Variants in GLIS3 observed in about 807,000 individuals in gnomAD.
GLIS3 encodes the protein zinc finger protein GLIS3.
In GLIS3, 53 loss-of-function variants were observed where a neutral mutation model predicts 78.6. The observed-to-expected ratio is 0.67, with a 90% CI of 0.54 to 0.85. The LOEUF (loss-of-function observed/expected upper bound fraction) is 0.85, where lower values mean the gene tolerates loss of function less well. Among genes scored for constraint, GLIS3 ranks in the 40% least tolerant of loss-of-function variants. The pLI is 0.00. For missense variants in GLIS3, 1,703 were observed against 1,231.1 expected (o/e 1.38, Z -5.74); for synonymous variants, 684 against 509.9 (o/e 1.34, Z -4.60).
intron 3 of GLIS3, among the ~76,000 whole-genome samples, chr9:4,121,820 C>T (rs1832213020): frequency 6.6e-6 from 1 of 152,222 alleles, no homozygotes; most frequent in Non-Finnish European, 1.5e-5. Flanking sequence ...CTTAAAGTCA[C>T]ACAAGCTACG....
chr9:3,944,542 C>G (rs183057426), intron 4 of GLIS3, among the ~76,000 whole-genome samples: 2 of 152,206 alleles, frequency 1.3e-5, no homozygotes, highest in East Asian at 3.9e-4. Flanking sequence ...AACTGGTTGC[C>G]TGGAGGTTGT....
intron 4 of GLIS3, among the ~76,000 whole-genome samples, chr9:4,073,969 G>A (rs1827838540): frequency 6.6e-6 from 1 of 152,108 alleles, no homozygotes; most frequent in Admixed American, 6.6e-5. Context: ...GCTGTAGAAG[G>A]CCATCATACG....
At chr9:4,228,502 A>G (rs1308647152) in intron 2 of GLIS3, among the ~76,000 whole-genome samples, 1 of 152,224 alleles carries the variant, frequency 6.6e-6, no homozygotes, top group Admixed American at 6.5e-5. Flanking sequence ...ATATAAAATC[A>G]TATTCATCAT....
intron 2 of GLIS3, among the ~76,000 whole-genome samples, chr9:4,206,392 T>C (rs1819882660): frequency 1.3e-5 from 2 of 152,222 alleles, no homozygotes. Context: ...CTGCCTAACA[T>C]CTAACCTTGA....
chr9:4,017,065 T>A (rs796993946), intron 4 of GLIS3, among the ~76,000 whole-genome samples: 1 of 152,178 alleles, frequency 6.6e-6, no homozygotes, highest in Non-Finnish European at 1.5e-5. Context: ...GAAGGGCAGT[T>A]TGGCCTTTAT....
chr9:3,859,528 A>G (rs1210461288), intron 8 of GLIS3, among the ~76,000 whole-genome samples: 1 of 152,194 alleles, frequency 6.6e-6, no homozygotes, highest in African/African-American at 2.4e-5. Context: ...CCGAGGATAA[A>G]TTATAGTTAT....
chr9:4,278,081 A>G lies in GLIS3; in HGVS notation c.388+7957T>C, dbSNP rs1318271805. Among the ~76,000 whole-genome samples, 3 of 152,256 alleles carry G rather than the reference A, an allele frequency of 2.0e-5. No homozygotes were observed. In the East Asian group the frequency reaches 5.8e-4, roughly 29 times the overall value. On this transcript the variant is annotated intron_variant, in intron 2 of 10. Transcript: ENST00000381971. ...ATCTTAGAAACATAAAACTAAAAGTAACTCTTCCTTGTCGTAGACAGAGCA... is the reference window on the plus strand; with the variant it reads ...ATCTTAGAAACATAAAACTAAAAGTGACTCTTCCTTGTCGTAGACAGAGCA...
rs1554659912 is a variant in GLIS3, at chr9:4,338,409, C to CAA, written n.264+8670_264+8671dup. On this transcript the variant is annotated intron_variant and non_coding_transcript_variant, in intron 2 of 4. Coordinates refer to the GLIS3 transcript ENST00000471664. Reference sequence around the variant, plus strand: ...ACACATACACACACACACACACACACAATTTTTTAAACAAGCTCCCTGGAT... The same window carrying CAA: ...ACACATACACACACACACACACACACAAAATTTTTTAAACAAGCTCCCTGGAT... Among the ~76,000 whole-genome samples the CAA allele has an allele frequency of 2.1e-3, 323 of 151,008 alleles. 3 individuals are homozygous for CAA. The highest frequency in any genetic ancestry group is 7.6e-3 in the African/African-American group (311 of 40,774).
chr9:4,174,581 G>C (rs935591738), intron 2 of GLIS3, among the ~76,000 whole-genome samples: 1 of 152,122 alleles, frequency 6.6e-6, no homozygotes, highest in African/African-American at 2.4e-5. Flanking sequence ...TTATCTAACT[G>C]ACATTTTTAC....
At chr9:3,854,779 C>T (rs1819657281) in intron 9 of GLIS3, among the ~76,000 whole-genome samples, 2 of 151,902 alleles carry the variant, frequency 1.3e-5, no homozygotes, top group Non-Finnish European at 2.9e-5. Context: ...CTCCTAACCT[C>T]ATGATCCACC....
At chr9:4,442,004 T>C in the GLIS3 span, among the ~76,000 whole-genome samples, 1 of 152,208 alleles carries the variant, frequency 6.6e-6, no homozygotes, top group African/African-American at 2.4e-5. Context: ...TTCAGTTTTT[T>C]GGAATAGCTT....
chr9:3,862,631 C>T (rs935283377), intron 8 of GLIS3, among the ~76,000 whole-genome samples: 3 of 152,138 alleles, frequency 2.0e-5, no homozygotes, highest in African/African-American at 7.2e-5. Context: ...TTCCAGCCAG[C>T]AGTGCAGGAC....
the GLIS3 span, among the ~76,000 whole-genome samples, chr9:4,443,384 A>G: frequency 6.6e-6 from 1 of 152,208 alleles, no homozygotes; most frequent in Non-Finnish European, 1.5e-5. Flanking sequence ...TTGACCAGAA[A>G]TCTCTTCTCT....
intron 2 of GLIS3, among the ~76,000 whole-genome samples, chr9:4,333,810 C>T (rs1817717356): frequency 7.4e-6 from 1 of 136,042 alleles, no homozygotes; most frequent in Admixed American, 8.6e-5. Flanking sequence ...TTGGAAATAT[C>T]CTCCCAAGAG....
At chr9:3,874,739 C>T (rs556782897) in intron 8 of GLIS3, among the ~76,000 whole-genome samples, 1 of 152,350 alleles carries the variant, frequency 6.6e-6, no homozygotes, top group African/African-American at 2.4e-5. Context: ...AAAACCCCCA[C>T]ACAGTTGGTC....
chr9:4,401,036 A>G, the GLIS3 span, among the ~76,000 whole-genome samples: 24,419 of 152,070 alleles, frequency 0.16, 1,990 homozygotes, highest in Middle Eastern at 0.2. Context: ...AAGCAGAGGG[A>G]AAAGTAAAGA....
At position 4,279,350 on chromosome 9, in the gene GLIS3, CACACACACACACAT is replaced by C. The variant is rs1387623380; in HGVS notation, c.388+6674_388+6687del. ...ACACACACACACACACACACACACA[CACACACACACACAT>C]AATACATATTATATATATTTTATAT... On this transcript the variant is annotated intron_variant, in intron 2 of 10. Coordinates refer to ENST00000381971, the MANE Select transcript of GLIS3 (RefSeq NM_001042413.2). 2.9e-3 allele frequency among the ~76,000 whole-genome samples: 164 copies of C among 56,784 alleles called. 2 individuals carry two copies. The highest frequency in any genetic ancestry group is 3.0e-3 in the Non-Finnish European group (76 of 25,056). 37.3% of individuals were successfully genotyped at this position (56,784 alleles called of 152,430 possible).
chr9:4,291,107 A>T (rs985804225), intron 1 of GLIS3, among the ~76,000 whole-genome samples: 2 of 152,270 alleles, frequency 1.3e-5, no homozygotes, highest in Middle Eastern at 3.4e-3. Flanking sequence ...AATAACTAGA[A>T]TGTATAGACC....
At chr9:4,341,869 A>G (rs1049711110) in intron 2 of GLIS3, among the ~76,000 whole-genome samples, 3 of 152,222 alleles carry the variant, frequency 2.0e-5, no homozygotes, top group African/African-American at 7.2e-5. Context: ...TAAGCATACT[A>G]CATGCTTGTT....
Sources: allele counts gnomAD v4.1 joint callset (sites outside exome capture counted in the v4.1 genomes callset), GRCh38; gene constraint gnomAD v4.1.1; transcripts MANE v1.5; gene names NCBI Gene and HGNC (gene_info 2026-07-23, HGNC 2026-07-21).